Variants in NOTCH2 observed in about 807,000 individuals in gnomAD.
NOTCH2 encodes notch receptor 2, also known as neurogenic locus notch homolog protein 2.
Under a neutral mutation model 235.8 loss-of-function variants are expected in NOTCH2, and 29 were observed. That is an observed-to-expected ratio of 0.12 (90% confidence interval 0.09 to 0.17). The LOEUF (loss-of-function observed/expected upper bound fraction) is 0.17, where lower values mean the gene tolerates loss of function less well. NOTCH2 is among the 10% of genes least tolerant of loss of function. The pLI, the probability that NOTCH2 is intolerant of heterozygous loss-of-function variation, is 1.00. For synonymous variants in NOTCH2, 1,086 were observed against 1,141.5 expected (o/e 0.95, Z 0.98); for missense variants, 2,285 against 3,150.2 (o/e 0.73, Z 6.57).
At chr1:119,961,077 C>G (rs1203295644) in intron 11 of NOTCH2, among the ~76,000 whole-genome samples, 3 of 152,102 alleles carry the variant, frequency 2.0e-5, no homozygotes, top group Admixed American at 2.0e-4. Flanking sequence ...TGTCACCCAC[C>G]CTGCACATTA....
At chr1:119,953,764 G>T in intron 13 of NOTCH2, 76 bp from the exon 14 acceptor site, 1 of 1,279,366 alleles carries the variant, frequency 7.8e-7, no homozygotes, top group Non-Finnish European at 1.1e-6. Context: ...ACAGGACTTG[G>T]TGAAGAAATG....
intron 2 of NOTCH2, among the ~76,000 whole-genome samples, chr1:120,011,908 C>T (rs1417202755): frequency 4.7e-5 from 7 of 147,892 alleles, no homozygotes; most frequent in South Asian, 2.2e-4. Flanking sequence ...CCCAGCTACT[C>T]GGGAGGCTGA....
At chr1:119,938,031 T>C (rs1553195986) in intron 19 of NOTCH2, 21 bp from the exon 20 acceptor site, 1 of 1,613,334 alleles carries the variant, frequency 6.2e-7, no homozygotes, top group Non-Finnish European at 8.5e-7. Context: ...GGCAGGGGTG[T>C]ACATACATCA....
chr1:119,970,277 T>C (rs1394560854), intron 5 of NOTCH2, among the ~76,000 whole-genome samples: 1 of 152,176 alleles, frequency 6.6e-6, no homozygotes, highest in Non-Finnish European at 1.5e-5. Context: ...TTAATTCTTA[T>C]AACTGCACAA....
chr1:119,998,079 T>C (rs1416787640), intron 3 of NOTCH2, among the ~76,000 whole-genome samples: 9 of 145,616 alleles, frequency 6.2e-5, no homozygotes, highest in East Asian at 3.9e-4. Context: ...TCATCCTTAG[T>C]GCCCCTCACA....
chr1:119,915,542 A>T lies in NOTCH2; in HGVS notation c.7180T>A (p.Ser2394Thr). The T allele has an allele frequency of 4.3e-6, 7 of 1,614,026 alleles. No individual in the cohort carries two copies. Among genetic ancestry groups the T allele is most frequent in the Non-Finnish European group, 5.9e-6 (7 of 1,180,016 alleles). The change falls in exon 34 of 34, where the codon TCC becomes ACC. Residue 2394 changes from serine to threonine, a missense_variant. By Grantham distance (58) the Ser-to-Thr change is moderately conservative. Coordinates refer to ENST00000256646, the MANE Select transcript of NOTCH2 (RefSeq NM_024408.4). The stretch of plus-strand genomic sequence containing the variant: ...GGTGTTCGCTCAGCAGCATTTGAGG[A>T]AGCATAACTGTGCTGTGAAGGGGGT... ...PTPPSQHSYA[S>T]SNAAERTPSH...
In NOTCH2 at chr1:119,953,670, A is replaced by C. The variant is rs1650573582; in HGVS notation, c.2238T>G (p.Asp746Glu). 1.2e-6 allele frequency: 2 copies of C among 1,614,082 alleles called. No homozygotes were observed. Among genetic ancestry groups the C allele is most frequent in the South Asian group, 2.2e-5 (2 of 91,094 alleles). The change falls in exon 14 of 34, where the codon GAT (aspartate) becomes GAG (glutamate). Residue 746 changes from aspartate to glutamate, a missense_variant. Physicochemically the swap from Asp to Glu is conservative, Grantham distance 45 (BLOSUM62 2). Transcript: ENST00000256646. ...CACAGTTGATGCCAACCCAGCCTGC[A>C]TCACAGAGACACTTATATCTGAAAG... is the stretch of plus-strand genomic sequence containing the variant. ...GGLSGYKCLC[D>E]AGWVGINCEV...
chr1:120,010,685 T>A (rs1339291831), intron 2 of NOTCH2, among the ~76,000 whole-genome samples: 1 of 152,332 alleles, frequency 6.6e-6, no homozygotes, highest in South Asian at 2.1e-4. Context: ...ACTGGCTGAC[T>A]ACTTCAACAA....
chr1:119,912,761 T>C lies in NOTCH2; in HGVS notation c.*2545A>G. 4.3e-6 allele frequency: 1 copy of C among 233,630 alleles called. No homozygotes were observed. The highest frequency in any genetic ancestry group is 2.2e-5 in the African/African-American group (1 of 45,478). 14.5% of individuals were successfully genotyped at this position (233,630 alleles called of 1,614,324 possible). A position where few individuals can be genotyped will look rare whatever the true frequency, so the allele number is the denominator to read the frequency against. On this transcript the variant is annotated 3_prime_UTR_variant, in exon 34 of 34. Coordinates refer to ENST00000256646, the MANE Select transcript of NOTCH2 (RefSeq NM_024408.4). ...CAAATGAGAAAGTGATTATCCATCTTACCTTCCCTTTTATTAGATACCACA... is the reference window on the plus strand; with the variant it reads ...CAAATGAGAAAGTGATTATCCATCTCACCTTCCCTTTTATTAGATACCACA...
chr1:119,978,819 G>A (rs1328562880), intron 5 of NOTCH2, among the ~76,000 whole-genome samples: 2 of 152,100 alleles, frequency 1.3e-5, no homozygotes, highest in Non-Finnish European at 1.5e-5. Context: ...GGTTGAGAGT[G>A]AGGGGATCCA....
At chr1:120,060,510 A>T (rs1414507035) in intron 1 of NOTCH2, among the ~76,000 whole-genome samples, 2 of 150,872 alleles carry the variant, frequency 1.3e-5, no homozygotes, top group Non-Finnish European at 1.5e-5. Context: ...AAGGGTAAAA[A>T]AACCAAAGAC....
intron 1 of NOTCH2, among the ~76,000 whole-genome samples, chr1:120,048,089 G>C (rs1283809833): frequency 9.9e-5 from 15 of 150,776 alleles, no homozygotes; most frequent in Non-Finnish European, 1.3e-4. Flanking sequence ...ACCTTTCTAA[G>C]GCCTACAGTT....
intron 33 of NOTCH2, 36 bp downstream of exon 33, chr1:119,917,629 A>G: frequency 7.5e-7 from 1 of 1,328,110 alleles, no homozygotes; most frequent in Non-Finnish European, 1.1e-6. Flanking sequence ...AGGCACTGCT[A>G]TGAGCCTCCT....
chr1:119,978,748 T>G (rs1373331358), intron 5 of NOTCH2, among the ~76,000 whole-genome samples: 5 of 152,128 alleles, frequency 3.3e-5, no homozygotes, highest in South Asian at 2.1e-4. Flanking sequence ...GCTGCTGGGT[T>G]GTTGAGCCAG....
intron 3 of NOTCH2, among the ~76,000 whole-genome samples, chr1:120,000,801 C>T (rs1368571859): frequency 6.6e-6 from 1 of 152,078 alleles, no homozygotes; most frequent in Admixed American, 6.5e-5. Context: ...TTTTCAGTGA[C>T]TTACATCATC....
rs2101161540 is a variant in NOTCH2, at chr1:119,925,306, T to C, written c.4510A>G (p.Lys1504Glu). 1 of 1,613,660 alleles carries C rather than the reference T, an allele frequency of 6.2e-7. No individual in the cohort carries two copies. The highest frequency in any genetic ancestry group is 2.2e-5 in the East Asian group (1 of 44,882). Reference protein sequence around the residue: ...FECQGNSKTCKYDKYCADHFK... With the variant: ...FECQGNSKTCEYDKYCADHFK... The stretch of plus-strand genomic sequence containing the variant: ...TTCTGGAAAACGTGAAGCCCTTACT[T>C]GCATGTCTTGCTGTTCCCCTGGCAT... The change falls in exon 25 of 34, where the codon AAG becomes GAG. Residue 1504 changes from lysine (K) to glutamate (E), a missense_variant and splice_region_variant. Physicochemically the swap from Lys to Glu is moderately conservative, Grantham distance 56 (BLOSUM62 1). Around this residue, in one of 6 missense-constraint regions of NOTCH2, gnomAD observed 1,173 missense variants for 1,515.3 expected, o/e 0.77. Transcript: ENST00000256646.
intron 17 of NOTCH2, among the ~76,000 whole-genome samples, chr1:119,947,670 A>T (rs1650310926): frequency 1.3e-5 from 2 of 152,212 alleles, no homozygotes; most frequent in Admixed American, 1.3e-4. Context: ...TACTCAAGAG[A>T]ACTAAAACCA....
chr1:119,983,699 C>G (rs1458797652), intron 5 of NOTCH2, among the ~76,000 whole-genome samples: 1 of 152,118 alleles, frequency 6.6e-6, no homozygotes, highest in African/African-American at 2.4e-5. Flanking sequence ...GAAAAGGAGG[C>G]TGACAAATTT....
intron 4 of NOTCH2, chr1:119,994,603 T>C (rs587684353): frequency 3.8e-5 from 5 of 132,724 alleles, no homozygotes; most frequent in African/African-American, 1.6e-4. Context: ...TATTTGATTA[T>C]AATTAGGAGT....
Sources: allele counts gnomAD v4.1 joint callset (sites outside exome capture counted in the v4.1 genomes callset), GRCh38; gene constraint gnomAD v4.1.1; regional missense constraint gnomAD v4.1.1; transcripts MANE v1.5; gene names NCBI Gene and HGNC (gene_info 2026-07-23, HGNC 2026-07-21).